CNTN4: variants seen among roughly 807,000 people sequenced by gnomAD.
CNTN4 encodes the protein contactin 4.
A neutral mutation model predicts 122.5 loss-of-function variants in CNTN4; 77 were observed. The ratio of observed to expected loss-of-function variants is 0.63; its 90% CI spans 0.52 to 0.76. The LOEUF (loss-of-function observed/expected upper bound fraction) is 0.76, where lower values mean the gene tolerates loss of function less well. Among genes scored for constraint, CNTN4 ranks in the 30% least tolerant of loss-of-function variants. The pLI, the probability that CNTN4 is intolerant of heterozygous loss-of-function variation, is 0.00. For synonymous variants in CNTN4, 512 were observed against 447.0 expected, an observed-to-expected ratio of 1.15 and a Z score of -1.83; for missense variants, 1,256 against 1,259.1, an observed-to-expected ratio of 1.00 and a Z score of 0.04.
chr3:2,867,088 C>T, intron 8 of CNTN4, 139 bp downstream of exon 8: 1 of 769,132 alleles, frequency 1.3e-6, no homozygotes, highest in East Asian at 2.7e-5. Flanking sequence ...TATTTGGTAC[C>T]CATATTTTCT....
At chr3:3,005,314 A>C (rs762332951) in intron 14 of CNTN4, among the ~76,000 whole-genome samples, 1 of 152,048 alleles carries the variant, frequency 6.6e-6, no homozygotes, top group Non-Finnish European at 1.5e-5. Context: ...TTTAATTTCT[A>C]CTTCCTTTTT....
intron 3 of CNTN4, among the ~76,000 whole-genome samples, chr3:2,486,245 G>C (rs755629350): frequency 2.0e-5 from 3 of 152,104 alleles, no homozygotes; most frequent in Admixed American, 6.5e-5. Flanking sequence ...TGAACATCAG[G>C]AGGGACAAAC....
At chr3:2,114,757 T>C (rs1458537934) in intron 2 of CNTN4, among the ~76,000 whole-genome samples, 3 of 152,200 alleles carry the variant, frequency 2.0e-5, no homozygotes, top group Non-Finnish European at 4.4e-5. Context: ...AGATATTCTT[T>C]ATGCTGTAGA....
chr3:2,758,452 G>A (rs893100040), intron 6 of CNTN4, among the ~76,000 whole-genome samples: 4 of 150,120 alleles, frequency 2.7e-5, no homozygotes, highest in African/African-American at 9.8e-5. Flanking sequence ...ATTCCATATA[G>A]TCTTTCTCAT....
intron 4 of CNTN4, among the ~76,000 whole-genome samples, chr3:2,707,473 C>G (rs530084891): frequency 2.0e-4 from 30 of 152,236 alleles, no homozygotes; most frequent in African/African-American, 5.8e-4. Context: ...CATAAGAATT[C>G]TCAGCTGGTT....
rs540697206 is a variant in CNTN4, at chr3:2,795,171, G to T, written c.359-24315G>T. 2.6e-5 allele frequency among the ~76,000 whole-genome samples: 4 copies of T among 152,294 alleles called. No homozygotes were observed. In the South Asian group the frequency reaches 8.3e-4, roughly 32 times the overall value. On this transcript the variant is annotated intron_variant, in intron 6 of 24. Transcript: ENST00000418658. ...ATCAAACCCACTGGAATATTTAAAT[G>T]ATTAAATAACCCGAAAAAGTTACTG...
intron 2 of CNTN4, among the ~76,000 whole-genome samples, chr3:2,103,072 G>A (rs2125089347): frequency 6.6e-6 from 1 of 152,090 alleles, no homozygotes; most frequent in Admixed American, 6.5e-5. Flanking sequence ...TTGTACAGAT[G>A]AGGAAAACTA....
At chr3:2,482,054 G>A (rs553945032) in intron 3 of CNTN4, among the ~76,000 whole-genome samples, 12 of 152,340 alleles carry the variant, frequency 7.9e-5, no homozygotes, top group African/African-American at 1.9e-4. Context: ...ATGTGAAAGC[G>A]ATTTTGTAAG....
chr3:2,984,300 C>T (rs1694346863), intron 13 of CNTN4, among the ~76,000 whole-genome samples: 1 of 152,082 alleles, frequency 6.6e-6, no homozygotes, highest in Non-Finnish European at 1.5e-5. Context: ...TATCTTATCT[C>T]ATTATAGAAG....
intron 12 of CNTN4, among the ~76,000 whole-genome samples, chr3:2,909,595 A>G (rs1478125905): frequency 1.2e-4 from 19 of 152,260 alleles, no homozygotes; most frequent in East Asian, 9.6e-4. Flanking sequence ...TCAGTCTCTG[A>G]TCCTAGGACC....
chr3:2,783,348 A>C (rs2091683801), intron 6 of CNTN4, among the ~76,000 whole-genome samples: 1 of 152,156 alleles, frequency 6.6e-6, no homozygotes, highest in African/African-American at 2.4e-5. Flanking sequence ...TTCGTCTTGA[A>C]AAAGGTCACA....
chr3:3,011,862 G>A (rs774007450), intron 14 of CNTN4, among the ~76,000 whole-genome samples: 1 of 149,680 alleles, frequency 6.7e-6, no homozygotes, highest in South Asian at 2.1e-4. Flanking sequence ...AACAGACCCA[G>A]GCACAAGAGA....
intron 8 of CNTN4, among the ~76,000 whole-genome samples, chr3:2,869,178 C>T (rs897964134): frequency 1.3e-5 from 2 of 152,070 alleles, no homozygotes; most frequent in Admixed American, 6.5e-5. Context: ...AAGCCGTTAG[C>T]GAATTGTATG....
intron 3 of CNTN4, among the ~76,000 whole-genome samples, chr3:2,534,187 A>G (rs955793027): frequency 2.0e-5 from 3 of 152,096 alleles, no homozygotes; most frequent in Non-Finnish European, 2.9e-5. Flanking sequence ...GCCCATGCCT[A>G]TGTCCTGAAT....
chr3:2,858,698 C>T (rs1016108481), intron 7 of CNTN4, among the ~76,000 whole-genome samples: 1 of 150,300 alleles, frequency 6.7e-6, no homozygotes, highest in African/African-American at 2.5e-5. Context: ...CAGAGTGAGA[C>T]CCTGTCTCAG....
intron 3 of CNTN4, among the ~76,000 whole-genome samples, chr3:2,453,380 C>G (rs2048896783): frequency 6.6e-6 from 1 of 152,070 alleles, no homozygotes; most frequent in Non-Finnish European, 1.5e-5. Flanking sequence ...AAAAGACAAT[C>G]AAGAAGGAAA....
In CNTN4 at chr3:2,256,654, CAGAG is replaced by C. The variant is rs574340499; in HGVS notation, c.-144-82521_-144-82518del. Among the ~76,000 whole-genome samples the C allele has an allele frequency of 3.4e-3, 510 of 152,168 alleles. 3 individuals are homozygous for C. Among genetic ancestry groups the C allele is most frequent in the African/African-American group, 0.012 (489 of 41,530 alleles). On this transcript the variant is annotated intron_variant, in intron 2 of 24. Transcript: ENST00000418658. ...GGTTCAACATACACAAACCAATAGGCAGAGAGCCAAATCATGAGTGAACTCCCAT... is the reference window on the plus strand; with the variant it reads ...GGTTCAACATACACAAACCAATAGGCAGCCAAATCATGAGTGAACTCCCAT...
intron 4 of CNTN4, among the ~76,000 whole-genome samples, chr3:2,727,578 G>A (rs898417161): frequency 2.0e-5 from 3 of 152,124 alleles, no homozygotes; most frequent in Non-Finnish European, 2.9e-5. Flanking sequence ...TCTTTTCCAC[G>A]CCTAAAAATC....
intron 3 of CNTN4, among the ~76,000 whole-genome samples, chr3:2,569,863 C>T (rs2079341625): frequency 6.6e-6 from 1 of 152,096 alleles, no homozygotes. Flanking sequence ...AAAAAGTTTC[C>T]TCCTTCCTTG....
Sources: gnomAD v4.1 joint callset for allele counts (sites outside exome capture counted in the v4.1 genomes callset) on GRCh38, gnomAD v4.1.1 for gene constraint, MANE v1.5 for transcripts, NCBI Gene and HGNC (gene_info 2026-07-23, HGNC 2026-07-21) for gene names.